NACA: variants seen among roughly 807,000 people sequenced by gnomAD.
NACA encodes nascent polypeptide-associated complex subunit alpha.
A neutral mutation model predicts 86.4 loss-of-function variants in NACA; 42 were observed. The ratio of observed to expected loss-of-function variants is 0.49; its 90% CI spans 0.38 to 0.63. NACA has a LOEUF of 0.63. NACA is among the 20% of genes least tolerant of loss of function. The pLI is 0.00. For missense variants in NACA, 2,157 were observed against 2,483.6 expected (o/e 0.87, Z 2.80); for synonymous variants, 898 against 973.7 (o/e 0.92, Z 1.45).
Position 56,721,433 on chromosome 12 carries a change from T to C in NACA, c.97A>G (p.Ser33Gly). The C allele has an allele frequency of 6.6e-7, 1 of 1,524,800 alleles. No homozygotes were observed. The highest frequency in any genetic ancestry group is 8.7e-7 in the Non-Finnish European group (1 of 1,144,270). The allele number at this position is 1,524,800 out of a possible 1,614,324, so 94.5% of individuals were successfully genotyped here. A position where few individuals can be genotyped will look rare whatever the true frequency, so the allele number is the denominator to read the frequency against. ...TAVLPMSSAL[S>G]VTAALGQPGP... ...GGCTGCCCTAAGGCAGCAGTGACAC[T>C]CAAGGCTGAAGACATAGGTAGCACA... Residue 33 changes from serine (S) to glycine (G), a missense_variant, in exon 3 of 9, where the codon AGT (serine) becomes GGT (glycine). By Grantham distance (56) the Ser-to-Gly change is moderately conservative. Coordinates refer to ENST00000454682, the MANE Select transcript of NACA (RefSeq NM_001365896.1).
At chr12:56,713,789 A>G in intron 5 of NACA, 106 bp from the exon 6 acceptor site, 1 of 1,145,156 alleles carries the variant, frequency 8.7e-7, no homozygotes, top group Non-Finnish European at 1.3e-6. Flanking sequence ...CCAGGCTGAG[A>G]AAAGTTCATA....
chr12:56,718,378 G>C lies in NACA; in HGVS notation c.3152C>G (p.Pro1051Arg). The change falls in exon 3 of 9, where the codon CCA (proline) becomes CGA (arginine). Residue 1051 changes from proline to arginine, a missense_variant. By Grantham distance (103) the Pro-to-Arg change is moderately radical. This residue lies in a region of NACA where 124 missense variants were observed against 186.5 expected (regional missense o/e 0.66). Coordinates refer to ENST00000454682, the MANE Select transcript of NACA (RefSeq NM_001365896.1). ...PSPKGSPAAT[P>R]LPKGAPTTPA... Reference sequence around the variant, plus strand: ...GGTTGTGGGGGCCCCTTTGGGGAGTGGGGTAGCTGCTGGACTTCCTTTGGG... The same window carrying C: ...GGTTGTGGGGGCCCCTTTGGGGAGTCGGGTAGCTGCTGGACTTCCTTTGGG... 8.2e-7 allele frequency: 1 copy of C among 1,218,578 alleles called. No individual in the cohort carries two copies. Among genetic ancestry groups the C allele is most frequent in the Non-Finnish European group, 1.0e-6 (1 of 959,814 alleles). 75.5% of individuals were successfully genotyped at this position (1,218,578 alleles called of 1,614,324 possible). A position where few individuals can be genotyped will look rare whatever the true frequency, so the allele number is the denominator to read the frequency against.
chr12:56,714,814 C>T, intron 3 of NACA, 127 bp from the exon 4 acceptor site: 1 of 852,112 alleles, frequency 1.2e-6, no homozygotes, highest in Middle Eastern at 3.4e-4. Flanking sequence ...TGTAAACCAA[C>T]TGGCTTGTGT....
In NACA at chr12:56,716,093, T is replaced by G. The variant is rs374168332; in HGVS notation, c.5437A>C (p.Lys1813Gln). Residue 1813 changes from lysine (K) to glutamine (Q), a missense_variant, in exon 3 of 9, where the codon AAA (lysine) becomes CAA (glutamine). Lys to Gln is a moderately conservative substitution (Grantham distance 53). Transcript: ENST00000454682. ...APSPVPTLPPKQQFLPSSPGL... is the reference protein window; with the variant it reads ...APSPVPTLPPQQQFLPSSPGL... ...GGAGAGGACGGCAGAAATTGCTGTT[T>G]AGGAGGCAGAGTGGGAACTGGGGAG... 2 of 1,613,074 alleles carry G rather than the reference T, an allele frequency of 1.2e-6. No individual in the cohort carries two copies. The highest frequency in any genetic ancestry group is 1.7e-5 in the Admixed American group (1 of 59,948).
chr12:56,714,132 C>T (rs1231305563), intron 5 of NACA: 24 of 522,908 alleles, frequency 4.6e-5, no homozygotes, highest in Non-Finnish European at 8.2e-5. Context: ...CAGGTGTGAG[C>T]CACCAACCTA....
rs1953399785 is a variant in NACA, at chr12:56,717,272, C to T, written c.4258G>A (p.Val1420Ile). ...LSPKKAPATP[V>I]TREGAATPSK... ...GGGGTGGCTGCGCCTTCTCTGGTGA[C>T]TGGAGTTGCTGGAGCCTTTTTGGGG... Residue 1420 changes from valine (V) to isoleucine (I), a missense_variant, in exon 3 of 9, where the codon GTC (valine) becomes ATC (isoleucine). Val to Ile is a conservative substitution (Grantham distance 29). Transcript: ENST00000454682. 1 of 1,324,976 alleles carries T rather than the reference C, an allele frequency of 7.5e-7. No homozygotes were observed. The highest frequency in any genetic ancestry group is 1.4e-5 in the South Asian group (1 of 70,044). 82.1% of individuals were successfully genotyped at this position (1,324,976 alleles called of 1,614,324 possible). A position where few individuals can be genotyped will look rare whatever the true frequency, so the allele number is the denominator to read the frequency against.
At chr12:56,713,832 A>C in intron 5 of NACA, 149 bp from the exon 6 acceptor site, 1 of 785,752 alleles carries the variant, frequency 1.3e-6, no homozygotes, top group Non-Finnish European at 2.0e-6. Context: ...TGCCGTAGTA[A>C]CTTCTGTTAC....
In NACA at chr12:56,719,636, CAG is replaced by C. The variant is rs748135618; in HGVS notation, c.1892_1893del (p.Ser631CysfsTer23). 5 of 1,613,710 alleles carry C rather than the reference CAG, an allele frequency of 3.1e-6. No homozygotes were observed. In the African/African-American group the frequency reaches 4.0e-5, roughly 13 times the overall value. The part of the protein sequence containing the change: ...IKTDSYAGPD[S>X]AGPLLKSSLI... Reference sequence around the variant, plus strand: ...AGAGAACTTTTGAGAAGCGGACCAGCAGAGTCTGGGCCTGCATAAGAATCTGT... The same window carrying C: ...AGAGAACTTTTGAGAAGCGGACCAGCAGTCTGGGCCTGCATAAGAATCTGT... On this transcript the variant is annotated frameshift_variant, in exon 3 of 9. Coordinates refer to ENST00000454682, the MANE Select transcript of NACA (RefSeq NM_001365896.1). LOFTEE classifies it high-confidence loss of function.
In NACA at chr12:56,719,129, C is replaced by A; in HGVS notation, c.2401G>T (p.Val801Leu). 1 of 1,456,768 alleles carries A rather than the reference C, an allele frequency of 6.9e-7. No individual in the cohort carries two copies. The highest frequency in any genetic ancestry group is 9.3e-7 in the Non-Finnish European group (1 of 1,077,914). 90.2% of individuals were successfully genotyped at this position (1,456,768 alleles called of 1,614,324 possible). ...ADSPSPLGVS[V>L]SPQTKRPPTK... is the part of the protein sequence containing the mutation. ...GGAGGTCTTTTAGTCTGAGGAGACACACTAACCCCTAAAGGAGATGGGGAA... is the reference window on the plus strand; with the variant it reads ...GGAGGTCTTTTAGTCTGAGGAGACAAACTAACCCCTAAAGGAGATGGGGAA... The change falls in exon 3 of 9, where the codon GTG becomes TTG. Residue 801 changes from valine (V) to leucine (L), a missense_variant. By Grantham distance (32) the Val-to-Leu change is conservative. This residue lies in a region of NACA where 174 missense variants were observed against 217.0 expected (regional missense o/e 0.80). Transcript: ENST00000454682.
chr12:56,720,912 T>C lies in NACA; in HGVS notation c.618A>G (p.Pro206=), dbSNP rs371523418. 1.3e-5 allele frequency: 21 copies of C among 1,613,774 alleles called. No homozygotes were observed. Among genetic ancestry groups the C allele is most frequent in the Admixed American group, 1.7e-5 (1 of 59,990 alleles). The stretch of plus-strand genomic sequence containing the variant: ...GGTAAGGAACAGTACTGACTATACA[T>C]GGAGGGCTGGGGGTGCCTTTTGGAT... ...VPNPKGTPSP[P]CIVSTVPYHC... The change falls in exon 3 of 9, where the codon CCA becomes CCG. Residue 206 remains proline, a synonymous_variant. Coordinates refer to ENST00000454682, the MANE Select transcript of NACA (RefSeq NM_001365896.1).
chr12:56,716,325 T>C lies in NACA; in HGVS notation c.5205A>G (p.Pro1735=), dbSNP rs1565893493. Residue 1735 remains proline (P), a synonymous_variant, in exon 3 of 9, where the codon CCA becomes CCG. Coordinates refer to ENST00000454682, the MANE Select transcript of NACA (RefSeq NM_001365896.1). The part of the protein sequence containing the change: ...GSKGPLSTVA[P]APLLPVQKDS... ...CTTTCTGAACAGGGAGTAGAGGGGC[T>C]GGAGCCACTGTGGAAAGGGGTCCTT... The C allele has an allele frequency of 1.2e-6, 2 of 1,612,810 alleles. No homozygotes were observed. The highest frequency in any genetic ancestry group is 1.7e-5 in the Admixed American group (1 of 60,010).
In NACA at chr12:56,719,024, G is replaced by A. The variant is rs1953491651; in HGVS notation, c.2506C>T (p.Leu836Phe). 6.9e-7 allele frequency: 1 copy of A among 1,447,862 alleles called. No homozygotes were observed. Among genetic ancestry groups the A allele is most frequent in the South Asian group, 1.1e-5 (1 of 88,712 alleles). The allele number at this position is 1,447,862 out of a possible 1,614,324, so 89.7% of individuals were successfully genotyped here. ...SPVSPVEASF[L>F]PENSLSFQGS... ...TGGAAAGAAAGACTATTCTCTGGAA[G>A]AAATGAAGCTTCAACTGGAGAAACA... Residue 836 changes from leucine to phenylalanine, a missense_variant, in exon 3 of 9, where the codon CTT (leucine) becomes TTT (phenylalanine). By Grantham distance (22) the Leu-to-Phe change is conservative. Around this residue, in one of 8 missense-constraint regions of NACA, gnomAD observed 174 missense variants for 217.0 expected, o/e 0.80. Transcript: ENST00000454682.
rs376636991 is a variant in NACA, at chr12:56,720,150, A to G, written c.1380T>C (p.Ala460=). 8 of 1,613,976 alleles carry G rather than the reference A, an allele frequency of 5.0e-6. No homozygotes were observed. The highest frequency in any genetic ancestry group is 4.5e-5 in the East Asian group (2 of 44,878). Residue 460 remains alanine, a synonymous_variant, in exon 3 of 9, where the codon GCT becomes GCC. Coordinates refer to ENST00000454682, the MANE Select transcript of NACA (RefSeq NM_001365896.1). ...ATGACATTGGAGGAGAAACACAAGTAGCTACCTCAAAGGTAGTAGTAGGTG... is the reference window on the plus strand; with the variant it reads ...ATGACATTGGAGGAGAAACACAAGTGGCTACCTCAAAGGTAGTAGTAGGTG... ...AAAPTTTFEV[A]TCVSPPMSSG...
chr12:56,712,515 CA>C lies in NACA; in HGVS notation c.*22del, dbSNP rs1024796078. On this transcript the variant is annotated 3_prime_UTR_variant, in exon 9 of 9. Coordinates refer to ENST00000454682, the MANE Select transcript of NACA (RefSeq NM_001365896.1). ...AGCTGCAGTTACTCCTTTGAGACAC[CA>C]AAAAAAGTTGCTTCCATATGGTTAC... is the stretch of plus-strand genomic sequence containing the variant. 2.5e-6 allele frequency: 4 copies of C among 1,609,612 alleles called. No individual in the cohort carries two copies. Among genetic ancestry groups the C allele is most frequent in the African/African-American group, 1.3e-5 (1 of 74,520 alleles).
chr12:56,718,402 G>C lies in NACA; in HGVS notation c.3128C>G (p.Pro1043Arg). ...TGGGGTAGCTGCTGGACTTCCTTTG[G>C]GGGAGGGAGGAGTTGCAGCTGGGGG... ...STPPAATPPS[P>R]KGSPAATPLP... Residue 1043 changes from proline (P) to arginine (R), a missense_variant, in exon 3 of 9, where the codon CCC (proline) becomes CGC (arginine). Pro to Arg is a moderately radical substitution (Grantham distance 103). Around this residue, in one of 8 missense-constraint regions of NACA, gnomAD observed 124 missense variants for 186.5 expected, o/e 0.66. Coordinates refer to ENST00000454682, the MANE Select transcript of NACA (RefSeq NM_001365896.1). 1 of 1,231,126 alleles carries C rather than the reference G, an allele frequency of 8.1e-7. No individual in the cohort carries two copies. Among genetic ancestry groups the C allele is most frequent in the Non-Finnish European group, 1.0e-6 (1 of 967,338 alleles). The allele number at this position is 1,231,126 out of a possible 1,614,324, so 76.3% of individuals were successfully genotyped here.
At position 56,721,092 on chromosome 12, in the gene NACA, T is replaced by G. The variant is rs780413501; in HGVS notation, c.438A>C (p.Ser146=). Reference sequence around the variant, plus strand: ...GTGGAAAAGCAGAACTCTTCTGAACTGAGTGGGGAGCCAGGGCAACCAGAG... The same window carrying G: ...GTGGAAAAGCAGAACTCTTCTGAACGGAGTGGGGAGCCAGGGCAACCAGAG... ...PLALVALAPH[S]VQKSSAFPPN... is the part of the protein sequence containing the mutation. The change falls in exon 3 of 9, where the codon TCA becomes TCC. Residue 146 remains serine, a synonymous_variant. Transcript: ENST00000454682. 2.5e-6 allele frequency: 4 copies of G among 1,613,802 alleles called. No individual in the cohort carries two copies. In the Admixed American group the frequency reaches 6.7e-5, roughly 27 times the overall value.
chr12:56,721,497 G>A (rs1953576223), intron 2 of NACA, 38 bp from the exon 3 acceptor site: 2 of 1,375,592 alleles, frequency 1.5e-6, no homozygotes, highest in Non-Finnish European at 1.9e-6. Context: ...AAGGGGGAGG[G>A]GGAGGAGAAA....
chr12:56,722,839 AAC>A (rs1326412692), intron 2 of NACA, among the ~76,000 whole-genome samples: 2 of 151,754 alleles, frequency 1.3e-5, no homozygotes, highest in Admixed American at 6.6e-5. Context: ...TTCAGGAGGT[AAC>A]ACAGAATTGG....
chr12:56,721,045 G>T lies in NACA; in HGVS notation c.485C>A (p.Pro162His). The T allele has an allele frequency of 6.2e-7, 1 of 1,614,006 alleles. No homozygotes were observed. ...AFPPNLLTSP[P>H]SVAVAESGSV... is the part of the protein sequence containing the mutation. ...CCCTGACTCAGCTACAGCCACTGAA[G>T]GAGGTGAAGTAAGAAGGTTAGGTGG... The change falls in exon 3 of 9, where the codon CCT (proline) becomes CAT (histidine). Residue 162 changes from proline to histidine, a missense_variant. Transcript: ENST00000454682.
Sources: allele counts gnomAD v4.1 joint callset (sites outside exome capture counted in the v4.1 genomes callset), GRCh38; gene constraint gnomAD v4.1.1; regional missense constraint gnomAD v4.1.1; transcripts MANE v1.5; gene names NCBI Gene and HGNC (gene_info 2026-07-23, HGNC 2026-07-21).